Variants in FHIT observed in about 807,000 individuals in gnomAD.
FHIT encodes the protein bis(5'-adenosyl)-triphosphatase.
A neutral mutation model predicts 17.9 loss-of-function variants in FHIT; 19 were observed. The ratio of observed to expected loss-of-function variants is 1.06; its 90% confidence interval spans 0.74 to 1.56. The LOEUF is 1.56. Ranked by LOEUF, FHIT falls within the 40% of genes most tolerant of loss-of-function variation. FHIT has a pLI of 0.00. For missense variants in FHIT, 248 were observed against 189.2 expected, an observed-to-expected ratio of 1.31 and a Z score of -1.82; for synonymous variants, 81 against 69.7, an observed-to-expected ratio of 1.16 and a Z score of -0.81.
At chr3:61,189,468 T>C (rs974519235) in intron 2 of FHIT, among the ~76,000 whole-genome samples, 2 of 152,182 alleles carry the variant, frequency 1.3e-5, no homozygotes, top group Non-Finnish European at 2.9e-5. Flanking sequence ...TCCATGCCCA[T>C]GGGTAGGAAG....
At chr3:59,983,128 G>C (rs745426818) in intron 7 of FHIT, among the ~76,000 whole-genome samples, 1 of 151,746 alleles carries the variant, frequency 6.6e-6, no homozygotes, top group African/African-American at 2.4e-5. Flanking sequence ...TTGTAGACAT[G>C]GGGTTTGGCT....
intron 3 of FHIT, among the ~76,000 whole-genome samples, chr3:60,896,008 C>G (rs9847513): frequency 0.39 from 58,699 of 151,594 alleles, 12,236 homozygotes; most frequent in African/African-American, 0.53. Flanking sequence ...AGGTGAGCAG[C>G]GGGCAGGGGA....
At chr3:60,525,799 A>G (rs1250620254) in intron 5 of FHIT, among the ~76,000 whole-genome samples, 7 of 152,292 alleles carry the variant, frequency 4.6e-5, no homozygotes, top group African/African-American at 1.4e-4. Context: ...CTTAGGTATC[A>G]GGTTGCCTGT....
chr3:60,167,086 C>A lies in FHIT; in HGVS notation c.104-152934G>T, dbSNP rs149691842. On this transcript the variant is annotated intron_variant, in intron 5 of 9. Coordinates refer to ENST00000492590, the MANE Select transcript of FHIT (RefSeq NM_002012.4). ...ATTCACATGAAGGAGTCTTCACTTTCATCAGATTTCTGCTCAAAGACTGTC... is the reference window on the plus strand; with the variant it reads ...ATTCACATGAAGGAGTCTTCACTTTAATCAGATTTCTGCTCAAAGACTGTC... Among the ~76,000 whole-genome samples, 886 of 152,278 alleles carry A rather than the reference C, an allele frequency of 5.8e-3. 4 individuals are homozygous for A. Among genetic ancestry groups the A allele is most frequent in the Middle Eastern group, 0.017 (5 of 294 alleles).
At chr3:59,953,732 G>T (rs2107317193) in intron 7 of FHIT, among the ~76,000 whole-genome samples, 1 of 152,302 alleles carries the variant, frequency 6.6e-6, no homozygotes, top group Middle Eastern at 3.4e-3. Flanking sequence ...TCCAGCCTCT[G>T]CAACTGGCAT....
rs199827614 is a variant in FHIT, at chr3:59,864,834, A to G, written c.348+57512T>C. 8.0e-3 allele frequency among the ~76,000 whole-genome samples: 760 copies of G among 95,122 alleles called. 6 individuals are homozygous for G. The highest frequency in any genetic ancestry group is 0.033 in the Middle Eastern group (6 of 180). 62.4% of individuals were successfully genotyped at this position (95,122 alleles called of 152,430 possible). ...TGAAATTATATGAAAGAGAGAGAGA[A>G]AAAAAAAAAAACATTTTGCATGCTG... On this transcript the variant is annotated intron_variant, in intron 8 of 9. Coordinates refer to ENST00000492590, the MANE Select transcript of FHIT (RefSeq NM_002012.4).
At chr3:60,433,602 A>G (rs533575749) in intron 5 of FHIT, among the ~76,000 whole-genome samples, 64 of 152,186 alleles carry the variant, frequency 4.2e-4, no homozygotes, top group African/African-American at 1.5e-3. Context: ...TTTTGTGACA[A>G]CAGCCCATCC....
chr3:60,543,693 A>G (rs992663982), intron 4 of FHIT, among the ~76,000 whole-genome samples: 1 of 152,104 alleles, frequency 6.6e-6, no homozygotes, highest in East Asian at 1.9e-4. Flanking sequence ...CTGGCAATCT[A>G]GCTGAACTCT....
intron 7 of FHIT, among the ~76,000 whole-genome samples, chr3:59,972,001 G>A (rs568990957): frequency 5.9e-5 from 9 of 152,230 alleles, no homozygotes; most frequent in Non-Finnish European, 1.3e-4. Context: ...GTGCAGACAT[G>A]CCTTGCTCCA....
At chr3:60,013,981 C>G in intron 6 of FHIT, 26 bp downstream of exon 6, 1 of 1,610,294 alleles carries the variant, frequency 6.2e-7, no homozygotes. Flanking sequence ...GAAGAAAAAT[C>G]ATTTCTGAGA....
chr3:59,982,138 G>T (rs992697322), intron 7 of FHIT, among the ~76,000 whole-genome samples: 6 of 152,192 alleles, frequency 3.9e-5, no homozygotes, highest in African/African-American at 1.4e-4. Context: ...AATAAATAGT[G>T]ATGTATGGTC....
At chr3:60,363,257 C>T (rs1280022385) in intron 5 of FHIT, among the ~76,000 whole-genome samples, 1 of 152,108 alleles carries the variant, frequency 6.6e-6, no homozygotes, top group Non-Finnish European at 1.5e-5. Flanking sequence ...TGAATCACTC[C>T]CCAGCTCCAA....
At chr3:60,886,742 T>C (rs1175225684) in intron 3 of FHIT, among the ~76,000 whole-genome samples, 9 of 152,228 alleles carry the variant, frequency 5.9e-5, no homozygotes, top group Non-Finnish European at 1.3e-4. Flanking sequence ...TAAATAGATC[T>C]TCCTGGTTAG....
At chr3:60,420,135 C>A (rs1333665619) in intron 5 of FHIT, among the ~76,000 whole-genome samples, 1 of 152,128 alleles carries the variant, frequency 6.6e-6, no homozygotes, top group African/African-American at 2.4e-5. Context: ...GAATACCTTT[C>A]ATTGTGCGTA....
At chr3:60,584,784 CCT>C (rs1230523234) in intron 4 of FHIT, among the ~76,000 whole-genome samples, 1 of 151,924 alleles carries the variant, frequency 6.6e-6, no homozygotes, top group Admixed American at 6.6e-5. Context: ...GAGCCTATTC[CCT>C]TTTTTATTTT....
At chr3:61,154,939 C>A (rs895351024) in intron 2 of FHIT, among the ~76,000 whole-genome samples, 2 of 152,200 alleles carry the variant, frequency 1.3e-5, no homozygotes, top group African/African-American at 4.8e-5. Context: ...ATCATCTCAC[C>A]CCCTCAAAGG....
At position 60,595,601 on chromosome 3, in the gene FHIT, G is replaced by A. The variant is rs533595269; in HGVS notation, c.-17-58622C>T. On this transcript the variant is annotated intron_variant, in intron 4 of 9. Transcript: ENST00000492590. ...TACGCACATACGTATGTGTATATAC[G>A]TGTAGATATATGTGTGTATGTATAT... is the stretch of plus-strand genomic sequence containing the variant. 2.4e-3 allele frequency among the ~76,000 whole-genome samples: 349 copies of A among 147,462 alleles called. 2 individuals are homozygous for A. The highest frequency in any genetic ancestry group is 8.4e-3 in the African/African-American group (327 of 39,014).
chr3:60,884,820 G>C (rs181455371), intron 3 of FHIT, among the ~76,000 whole-genome samples: 45 of 148,456 alleles, frequency 3.0e-4, no homozygotes, highest in African/African-American at 1.1e-3. Context: ...TGGGAAGATC[G>C]CTTGAGCCCA....
intron 2 of FHIT, among the ~76,000 whole-genome samples, chr3:61,146,536 C>T (rs936410382): frequency 1.1e-4 from 16 of 151,974 alleles, no homozygotes; most frequent in African/African-American, 3.4e-4. Flanking sequence ...TTTATGCATA[C>T]GTAATTCTGT....
Sources: gnomAD v4.1 joint callset for allele counts (sites outside exome capture counted in the v4.1 genomes callset) on GRCh38, gnomAD v4.1.1 for gene constraint, MANE v1.5 for transcripts, NCBI Gene and HGNC (gene_info 2026-07-23, HGNC 2026-07-21) for gene names.